Variants in SPTBN5 observed in about 807,000 individuals in gnomAD.
SPTBN5 encodes spectrin beta, non-erythrocytic 5, also known as spectrin beta chain, non-erythrocytic 5.
A neutral mutation model predicts 477.6 loss-of-function variants in SPTBN5; 513 were observed. The ratio of observed to expected loss-of-function variants is 1.07; its 90% CI spans 1.00 to 1.16. The LOEUF (loss-of-function observed/expected upper bound fraction) is 1.16. SPTBN5 is among the 50% of genes most tolerant of loss of function. The probability of loss-of-function intolerance (pLI) is 0.00; values close to 1 mark genes in which losing one functional copy is unlikely to be tolerated. For synonymous variants in SPTBN5, 2,169 were observed against 2,011.7 expected (o/e 1.08, Z -2.09); for missense variants, 5,062 against 4,731.8 (o/e 1.07, Z -2.05).
intron 67 of SPTBN5, among the ~76,000 whole-genome samples, 200 bp downstream of exon 67, chr15:41,849,669 A>G (rs2065683332): frequency 6.6e-6 from 1 of 152,146 alleles, no homozygotes; most frequent in Non-Finnish European, 1.5e-5. Context: ...ACCACTGTAG[A>G]GTCTGTGGAA....
chr15:41,874,718 T>C, intron 23 of SPTBN5, 124 bp downstream of exon 23: 1 of 1,056,130 alleles, frequency 9.5e-7, no homozygotes, highest in Non-Finnish European at 1.4e-6. Context: ...GACCCTCCCA[T>C]CCCAGAATGA....
intron 4 of SPTBN5, 48 bp downstream of exon 4, chr15:41,890,040 AG>A (rs768563477): frequency 1.0e-4 from 127 of 1,275,990 alleles, no homozygotes; most frequent in Non-Finnish European, 1.4e-4. Flanking sequence ...AGGTGAGGCC[AG>A]GGCTGGGCTG....
chr15:41,853,026 G>A (rs1263422261), intron 59 of SPTBN5, 26 bp from the exon 60 acceptor site: 57 of 1,489,090 alleles, frequency 3.8e-5, no homozygotes, highest in Non-Finnish European at 4.7e-5. Context: ...TGCTATGGGT[G>A]ACAGCTTGGG....
intron 23 of SPTBN5, 98 bp downstream of exon 23, chr15:41,874,741 GGGA>G (rs1390954623): frequency 1.4e-5 from 17 of 1,205,914 alleles, no homozygotes; most frequent in Non-Finnish European, 4.6e-6. Context: ...CTACTCATAA[GGGA>G]GGAGGTCTGG....
At position 41,882,052 on chromosome 15, in the gene SPTBN5, C is replaced by G; in HGVS notation, c.2341G>C (p.Glu781Gln). ...CGCACGTGGCGCCTCAGCAGGGTCT[C>G]GGCGGCCGCCTGGTCCTGACCGCAG... ...ASCGQDQAAA[E>Q]TLLRRHVRLE... Residue 781 changes from glutamate to glutamine, a missense_variant, in exon 12 of 68, where the codon GAG becomes CAG. Coordinates refer to ENST00000320955, the MANE Select transcript of SPTBN5 (RefSeq NM_016642.4). The G allele has an allele frequency of 6.4e-7, 1 of 1,557,778 alleles. No homozygotes were observed. The highest frequency in any genetic ancestry group is 2.3e-4 in the Middle Eastern group (1 of 4,410).
At chr15:41,880,551 G>C (rs1399417303) in intron 13 of SPTBN5, among the ~76,000 whole-genome samples, 1 of 152,212 alleles carries the variant, frequency 6.6e-6, no homozygotes, top group Non-Finnish European at 1.5e-5. Context: ...GTGTGCTCCT[G>C]TCTGGTCTTG....
chr15:41,879,819 C>G lies in SPTBN5; in HGVS notation c.2857G>C (p.Val953Leu). 6.2e-7 allele frequency: 1 copy of G among 1,613,972 alleles called. No individual in the cohort carries two copies. The highest frequency in any genetic ancestry group is 8.5e-7 in the Non-Finnish European group (1 of 1,179,860). ...LAVGKGLWAE[V>L]SSSAEQLRQR... is the part of the protein sequence containing the mutation. ...CTCAGTTGCTCAGCAGAGCTGCTGACCTCAGCCCAGAGGCCCTTTCCCACA... is the reference window on the plus strand; with the variant it reads ...CTCAGTTGCTCAGCAGAGCTGCTGAGCTCAGCCCAGAGGCCCTTTCCCACA... The change falls in exon 15 of 68, where the codon GTC (valine) becomes CTC (leucine). Residue 953 changes from valine (V) to leucine (L), a missense_variant. By Grantham distance (32) the Val-to-Leu change is conservative. Transcript: ENST00000320955.
At chr15:41,854,457 G>A (rs1001633488) in intron 56 of SPTBN5, among the ~76,000 whole-genome samples, 6 of 152,092 alleles carry the variant, frequency 3.9e-5, no homozygotes, top group African/African-American at 1.4e-4. Context: ...AAAGGCAGAC[G>A]CGAGGTGTTG....
intron 66 of SPTBN5, 120 bp from the exon 67 acceptor site, chr15:41,850,079 C>T (rs2065701076): frequency 2.4e-6 from 2 of 832,938 alleles, no homozygotes; most frequent in Admixed American, 2.1e-5. Context: ...CCTGGCTATG[C>T]CAGGCCCTTC....
At chr15:41,876,692 C>T in intron 19 of SPTBN5, 45 bp from the exon 20 acceptor site, 1 of 1,568,782 alleles carries the variant, frequency 6.4e-7, no homozygotes, top group Non-Finnish European at 8.7e-7. Flanking sequence ...GAGAGGACTC[C>T]CACCCCAGCA....
At position 41,851,762 on chromosome 15, in the gene SPTBN5, A is replaced by AAT. The variant is rs746409771; in HGVS notation, c.10656+15_10656+16dup. On this transcript the variant is annotated intron_variant, in intron 63 of 67. Transcript: ENST00000320955. Reference sequence around the variant, plus strand: ...CAAGTGGGGAGCTGCCTGGAGAAGGAATCTCCAGGCACTCACCTGCCTCCC... The same window carrying AAT: ...CAAGTGGGGAGCTGCCTGGAGAAGGAATATCTCCAGGCACTCACCTGCCTCCC... 18 of 1,585,646 alleles carry AAT rather than the reference A, an allele frequency of 1.1e-5. No individual in the cohort carries two copies. Among genetic ancestry groups the AAT allele is most frequent in the Non-Finnish European group, 1.4e-5 (16 of 1,158,024 alleles).
At chr15:41,876,465 G>T in intron 20 of SPTBN5, 83 bp downstream of exon 20, 2 of 1,383,066 alleles carry the variant, frequency 1.4e-6, no homozygotes, top group Non-Finnish European at 2.0e-6. Context: ...TGAGGAAAGT[G>T]CTCTGTAGGC....
chr15:41,852,652 G>A lies in SPTBN5; in HGVS notation c.10431C>T (p.Ala3477=). Reference sequence around the variant, plus strand: ...TCGTCACCTCTGTCTTTTGCATTTGGGCAAACTTCTCTTCCTGGGCTGCCA... The same window carrying A: ...TCGTCACCTCTGTCTTTTGCATTTGAGCAAACTTCTCTTCCTGGGCTGCCA... ...KLLAAQEEKF[A]QMQKTEMEQE... is the part of the protein sequence containing the mutation. Residue 3477 remains alanine, a synonymous_variant, in exon 61 of 68, where the codon GCC becomes GCT. Transcript: ENST00000320955. The A allele has an allele frequency of 6.2e-7, 1 of 1,613,592 alleles. No individual in the cohort carries two copies. The highest frequency in any genetic ancestry group is 2.2e-5 in the East Asian group (1 of 44,886).
rs559855200 is a variant in SPTBN5, at chr15:41,855,734, C to T, written c.9033G>A (p.Ala3011=). The change falls in exon 54 of 68, where the codon GCG becomes GCA. Residue 3011 remains alanine, a synonymous_variant. Coordinates refer to ENST00000320955, the MANE Select transcript of SPTBN5 (RefSeq NM_016642.4). ...GGCCCCGCTCAGCCAGCCAGGATCC[C>T]GCCTCCAGGAGCTGGGGGTGACAGA... ...AQQFLTELLE[A]GSWLAERGHV... The T allele has an allele frequency of 1.1e-4, 179 of 1,582,056 alleles. No homozygotes were observed. The highest frequency in any genetic ancestry group is 1.4e-4 in the Non-Finnish European group (162 of 1,164,452).
In SPTBN5 at chr15:41,880,309, G is replaced by A. The variant is rs777992075; in HGVS notation, c.2662C>T (p.Arg888Cys). ...ATGGCCTCCTCCAACCGGGCCCTGC[G>A]GAGCTGGGGAGAGGTGGCCCAAGGC... ...YESLRALAQL[R>C]RARLEEAMAL... Residue 888 changes from arginine (R) to cysteine (C), a missense_variant, in exon 14 of 68, where the codon CGC (arginine) becomes TGC (cysteine). By Grantham distance (180) the Arg-to-Cys change is radical. Coordinates refer to ENST00000320955, the MANE Select transcript of SPTBN5 (RefSeq NM_016642.4). 2.8e-5 allele frequency: 45 copies of A among 1,599,360 alleles called. No individual in the cohort carries two copies. The highest frequency in any genetic ancestry group is 1.0e-4 in the Admixed American group (6 of 58,244).
chr15:41,883,641 G>A (rs571182709), intron 7 of SPTBN5, among the ~76,000 whole-genome samples, 155 bp from the exon 8 acceptor site: 21 of 152,324 alleles, frequency 1.4e-4, no homozygotes, highest in East Asian at 5.8e-4. Context: ...CCTGGCAGGC[G>A]GTGGTAGAGG....
rs779990648 is a variant in SPTBN5, at chr15:41,878,628, C to T, written c.3184G>A (p.Val1062Ile). Residue 1062 changes from valine to isoleucine, a missense_variant and splice_region_variant, in exon 17 of 68, where the codon GTC becomes ATC. By Grantham distance (29) the Val-to-Ile change is conservative (BLOSUM62 3). Transcript: ENST00000320955. ...CTCTCTGCGTAGCCTGGCTCCTCGA[C>T]CCTGGGAGACAGGGTGCGCTGCACA... ...VHFLQSVVVK[V>I]EEPGYAESQP... The T allele has an allele frequency of 1.9e-6, 3 of 1,608,980 alleles. No homozygotes were observed. Among genetic ancestry groups the T allele is most frequent in the African/African-American group, 2.7e-5 (2 of 74,934 alleles).
intron 57 of SPTBN5, 119 bp downstream of exon 57, chr15:41,853,931 A>C: frequency 6.9e-7 from 1 of 1,444,200 alleles, no homozygotes; most frequent in Non-Finnish European, 9.2e-7. Context: ...TCGGGGAAGG[A>C]TCTGGGTTTC....
Position 41,866,069 on chromosome 15 carries a change from A to T in SPTBN5, c.6791T>A (p.Val2264Glu). The T allele has an allele frequency of 6.4e-7, 1 of 1,555,984 alleles. No homozygotes were observed. The highest frequency in any genetic ancestry group is 8.7e-7 in the Non-Finnish European group (1 of 1,150,288). ...RRNFLEFLQR[V>E]DLAEAWIQEK... ...CTGGATCCAGGCCTCTGCAAGGTCC[A>T]CTCTCTGCAGGAACTCCAGGAAGTT... Residue 2264 changes from valine to glutamate, a missense_variant, in exon 38 of 68, where the codon GTG becomes GAG. By Grantham distance (121) the Val-to-Glu change is moderately radical (BLOSUM62 -2). Transcript: ENST00000320955.
Sources: gnomAD v4.1 joint callset for allele counts (sites outside exome capture counted in the v4.1 genomes callset) on GRCh38, gnomAD v4.1.1 for gene constraint, MANE v1.5 for transcripts, NCBI Gene and HGNC (gene_info 2026-07-23, HGNC 2026-07-21) for gene names.